SMPD3: variants seen among roughly 807,000 people sequenced by gnomAD.
SMPD3 encodes the protein nSMase-2.
A neutral mutation model predicts 55.7 loss-of-function variants in SMPD3; 21 were observed. That is an observed-to-expected ratio of 0.38 (90% CI 0.27 to 0.54). SMPD3 has a LOEUF of 0.54. SMPD3 is among the 20% of genes least tolerant of loss of function. The probability of loss-of-function intolerance (pLI) is 0.80; values close to 1 mark genes in which losing one functional copy is unlikely to be tolerated. For missense variants in SMPD3, 842 were observed against 899.6 expected (o/e 0.94, Z 0.82); for synonymous variants, 457 against 404.3 (o/e 1.13, Z -1.56).
intron 1 of SMPD3, among the ~76,000 whole-genome samples, chr16:68,391,656 G>A (rs1317653502): frequency 6.6e-6 from 1 of 152,202 alleles, no homozygotes; most frequent in Non-Finnish European, 1.5e-5. Context: ...AGGAAGGCCA[G>A]TGCAGTAGGC....
At chr16:68,398,361 C>T (rs538765107) in intron 1 of SMPD3, among the ~76,000 whole-genome samples, 15 of 152,296 alleles carry the variant, frequency 9.8e-5, no homozygotes, top group East Asian at 1.9e-4. Context: ...GAGGGCCCTA[C>T]GTGGCAGTCC....
At chr16:68,422,450 A>ATTCTT (rs1426826293) in intron 1 of SMPD3, among the ~76,000 whole-genome samples, 11 of 152,324 alleles carry the variant, frequency 7.2e-5, no homozygotes, top group Non-Finnish European at 1.5e-4. Flanking sequence ...CTGAGCAAGA[A>ATTCTT]GCTGGAAGAA....
chr16:68,444,431 G>C (rs1201813544), intron 1 of SMPD3, among the ~76,000 whole-genome samples: 1 of 152,208 alleles, frequency 6.6e-6, no homozygotes, highest in Non-Finnish European at 1.5e-5. Flanking sequence ...AACATGACCA[G>C]CCCTTCTGGA....
Position 68,361,031 on chromosome 16 carries a change from C to T in SMPD3, c.*175G>A, listed in dbSNP as rs1278819054. The T allele has an allele frequency of 4.9e-6, 3 of 612,536 alleles. No homozygotes were observed. The African/African-American group carries it at 5.6e-5, about 11-fold the overall frequency. 37.9% of individuals were successfully genotyped at this position (612,536 alleles called of 1,614,324 possible). ...GGGGCGGGCCTGACTCCTCTGTCCA[C>T]AGTGAGGCCCAGAGGCGCAGAGCAG... On this transcript the variant is annotated 3_prime_UTR_variant, in exon 9 of 9. Transcript: ENST00000219334.
At chr16:68,390,582 G>T (rs770377507) in intron 1 of SMPD3, among the ~76,000 whole-genome samples, 5 of 152,204 alleles carry the variant, frequency 3.3e-5, no homozygotes, top group Non-Finnish European at 5.9e-5. Flanking sequence ...GATCGCTGGA[G>T]CCCAGGAGTT....
intron 1 of SMPD3, among the ~76,000 whole-genome samples, chr16:68,405,985 C>G (rs2090251991): frequency 6.6e-6 from 1 of 152,212 alleles, no homozygotes; most frequent in African/African-American, 2.4e-5. Context: ...CTCACTTGAT[C>G]ATCAGCCTTG....
chr16:68,370,755 CTCCAGCCCCCAT>C, intron 3 of SMPD3, 92 bp downstream of exon 3: 2 of 1,464,808 alleles, frequency 1.4e-6, no homozygotes, highest in Non-Finnish European at 1.8e-6. Flanking sequence ...CAACCTCCCA[CTCCAGCCCCCAT>C]GACGATGAGG....
Position 68,364,988 on chromosome 16 carries a change from G to GA in SMPD3, c.1399+28dup, listed in dbSNP as rs141291856. On this transcript the variant is annotated intron_variant, in intron 4 of 8. Transcript: ENST00000219334. ...GCCCCAGGCACTGATCCCATGCCTA[G>GA]AAAAAACACAGGTGGGCGGCAACCC... 2.7e-5 allele frequency: 43 copies of GA among 1,614,024 alleles called. No homozygotes were observed. The South Asian group carries it at 3.1e-4, about 12-fold the overall frequency.
Position 68,405,329 on chromosome 16 carries a change from T to A in SMPD3, c.-268-18670A>T, listed in dbSNP as rs180932658. Among the ~76,000 whole-genome samples, 175 of 151,852 alleles carry A rather than the reference T, an allele frequency of 1.2e-3. 1 individual carries two copies. Among genetic ancestry groups the A allele is most frequent in the African/African-American group, 3.9e-3 (161 of 41,396 alleles). On this transcript the variant is annotated intron_variant, in intron 1 of 8. Coordinates refer to ENST00000219334, the MANE Select transcript of SMPD3 (RefSeq NM_018667.4). ...ACTTTGGGAGGCTGAAGCAATCAGA[T>A]CTCTTGAGCTCAGGAGTTCGAGACC...
intron 1 of SMPD3, among the ~76,000 whole-genome samples, chr16:68,402,720 T>C (rs772602170): frequency 1.1e-3 from 169 of 152,288 alleles, no homozygotes; most frequent in Admixed American, 4.1e-3. Context: ...AACAAGGTTC[T>C]ACGGAATCAA....
chr16:68,446,480 C>G (rs1035867095), intron 1 of SMPD3, among the ~76,000 whole-genome samples: 2 of 138,658 alleles, frequency 1.4e-5, no homozygotes, highest in East Asian at 4.1e-4. Flanking sequence ...GTAAGTGGTT[C>G]ATCTACACAC....
chr16:68,444,266 C>T (rs2090591523), intron 1 of SMPD3, among the ~76,000 whole-genome samples: 1 of 152,348 alleles, frequency 6.6e-6, no homozygotes. Flanking sequence ...GGACAGCTCT[C>T]CTCCACAGTG....
Position 68,409,060 on chromosome 16 carries a change from A to G in SMPD3, c.-268-22401T>C, listed in dbSNP as rs182691076. On this transcript the variant is annotated intron_variant, in intron 1 of 8. Transcript: ENST00000219334. ...AGGTGACTGGGGTGTGTGTGTAGGGAGAGGACCCTCGCTGACAATGCTGAC... is the reference window on the plus strand; with the variant it reads ...AGGTGACTGGGGTGTGTGTGTAGGGGGAGGACCCTCGCTGACAATGCTGAC... 8.2e-3 allele frequency among the ~76,000 whole-genome samples: 1,247 copies of G among 152,226 alleles called. 12 individuals are homozygous for G. Among genetic ancestry groups the G allele is most frequent in the Non-Finnish European group, 0.014 (985 of 68,010 alleles).
At position 68,411,361 on chromosome 16, in the gene SMPD3, A is replaced by C. The variant is rs1396918722; in HGVS notation, c.-268-24702T>G. ...ACTGCCTGGCCAGAGCTGGTGTCTG[A>C]GGACAACCACCATCCTCTACAAGGT... On this transcript the variant is annotated intron_variant, in intron 1 of 8. Coordinates refer to ENST00000219334, the MANE Select transcript of SMPD3 (RefSeq NM_018667.4). Among the ~76,000 whole-genome samples, 3 of 152,226 alleles carry C rather than the reference A, an allele frequency of 2.0e-5. No homozygotes were observed. The East Asian group carries it at 5.8e-4, about 29-fold the overall frequency.
At chr16:68,362,122 T>C (rs1346781203) in intron 7 of SMPD3, among the ~76,000 whole-genome samples, 1 of 152,208 alleles carries the variant, frequency 6.6e-6, no homozygotes, top group Non-Finnish European at 1.5e-5. Flanking sequence ...GTCTTTGCCA[T>C]GAGTCTCGGG....
intron 1 of SMPD3, among the ~76,000 whole-genome samples, chr16:68,424,510 T>C (rs1159237281): frequency 6.6e-6 from 1 of 152,034 alleles, no homozygotes; most frequent in East Asian, 1.9e-4. Context: ...GAAAAGTAAT[T>C]TTACTTATGA....
chr16:68,363,803 G>A lies in SMPD3; in HGVS notation c.1619C>T (p.Pro540Leu). The change falls in exon 6 of 9, where the codon CCT (proline) becomes CTT (leucine). Residue 540 changes from proline to leucine, a missense_variant. Pro to Leu is a moderately conservative substitution (Grantham distance 98). Coordinates refer to ENST00000219334, the MANE Select transcript of SMPD3 (RefSeq NM_018667.4). The part of the protein sequence containing the change: ...THYRDPCRLG[P>L]GEEKPWAIGT... ...GATGGCCCACGGCTTCTCCTCACCA[G>A]GCCCCAGGCGGCAGGGGTCCCTGTA... The A allele has an allele frequency of 6.4e-7, 1 of 1,569,872 alleles. No individual in the cohort carries two copies.
At chr16:68,433,166 T>G (rs553974287) in intron 1 of SMPD3, among the ~76,000 whole-genome samples, 1 of 152,292 alleles carries the variant, frequency 6.6e-6, no homozygotes, top group South Asian at 2.1e-4. Flanking sequence ...AGAGAGCCAT[T>G]GGTTTTATTT....
intron 1 of SMPD3, among the ~76,000 whole-genome samples, chr16:68,435,329 A>G (rs2090513975): frequency 6.6e-6 from 1 of 152,226 alleles, no homozygotes; most frequent in South Asian, 2.1e-4. Flanking sequence ...ATCCTTTTAA[A>G]GACTTGTAAA....
Sources: gnomAD v4.1 joint callset for allele counts (sites outside exome capture counted in the v4.1 genomes callset) on GRCh38, gnomAD v4.1.1 for gene constraint, MANE v1.5 for transcripts, NCBI Gene and HGNC (gene_info 2026-07-23, HGNC 2026-07-21) for gene names.